The following DPYD variants were observed in gnomAD, a reference collection of about 807,000 sequenced individuals.
DPYD encodes dihydropyrimidine dehydrogenase [NADP(+)].
In DPYD, 109 loss-of-function variants were observed where a neutral mutation model predicts 116.2. The ratio of observed to expected loss-of-function variants is 0.94; its 90% confidence interval spans 0.80 to 1.10. The LOEUF (loss-of-function observed/expected upper bound fraction) is 1.10, where lower values mean the gene tolerates loss of function less well. DPYD is among the 50% of genes least tolerant of loss of function. The pLI, the probability that DPYD is intolerant of heterozygous loss-of-function variation, is 0.00. For missense variants in DPYD, 1,302 were observed against 1,254.5 expected (o/e 1.04, Z -0.57); for synonymous variants, 440 against 432.0 (o/e 1.02, Z -0.23).
rs1409030961 is a variant in DPYD at position 97,323,359 on chromosome 1, C to G, written c.2059-17062G>C. ...ACGTATATATACATGTGTATATGTA[C>G]ACGTATGTATACATGTGTATATGTA... On this transcript the variant is annotated intron_variant, in intron 16 of 22. Transcript: ENST00000370192. Among the ~76,000 whole-genome samples, 4 of 120,842 alleles carry G rather than the reference C, an allele frequency of 3.3e-5. 1 individual carries two copies. Among genetic ancestry groups the G allele is most frequent in the Non-Finnish European group, 6.9e-5 (4 of 58,190 alleles). The allele number at this position is 120,842 out of a possible 152,430, so 79.3% of individuals were successfully genotyped here. A position where few individuals can be genotyped will look rare whatever the true frequency, so the allele number is the denominator to read the frequency against.
chr1:97,784,280 A>G (rs1302002492), intron 3 of DPYD, among the ~76,000 whole-genome samples: 1 of 152,126 alleles, frequency 6.6e-6, no homozygotes, highest in Non-Finnish European at 1.5e-5. Context: ...TTTAAAAAAA[A>G]AAATTACTCT....
At chr1:97,231,456 T>C (rs1254070990) in intron 19 of DPYD, among the ~76,000 whole-genome samples, 1 of 152,056 alleles carries the variant, frequency 6.6e-6, no homozygotes, top group Non-Finnish European at 1.5e-5. Flanking sequence ...GGAAGGCAAA[T>C]GGTGAGCAAA....
At chr1:97,270,585 A>G (rs190999191) in intron 18 of DPYD, among the ~76,000 whole-genome samples, 26 of 152,318 alleles carry the variant, frequency 1.7e-4, no homozygotes, top group Admixed American at 1.5e-3. Context: ...TATTTCATAT[A>G]TAAACAATTG....
intron 4 of DPYD, among the ~76,000 whole-genome samples, chr1:97,739,259 A>G (rs1239054806): frequency 6.6e-6 from 1 of 152,158 alleles, no homozygotes; most frequent in African/African-American, 2.4e-5. Context: ...AAAATTGTTG[A>G]GTAATCACTA....
chr1:97,583,260 C>T (rs1425969755), intron 10 of DPYD, among the ~76,000 whole-genome samples: 5 of 152,040 alleles, frequency 3.3e-5, no homozygotes, highest in Non-Finnish European at 5.9e-5. Context: ...TGAACCACTG[C>T]GCCTGACCAA....
intron 8 of DPYD, among the ~76,000 whole-genome samples, chr1:97,604,415 G>A (rs1465978823): frequency 6.6e-6 from 1 of 151,962 alleles, no homozygotes; most frequent in African/African-American, 2.4e-5. Context: ...AATTTGTCGT[G>A]CTACCATATA....
At chr1:97,757,682 T>C (rs1026664401) in intron 3 of DPYD, among the ~76,000 whole-genome samples, 9 of 152,196 alleles carry the variant, frequency 5.9e-5, no homozygotes, top group African/African-American at 2.2e-4. Flanking sequence ...GACTTTCCCC[T>C]TTTCATATAC....
chr1:97,579,792 A>G (rs1423109737), intron 10 of DPYD, among the ~76,000 whole-genome samples: 2 of 152,220 alleles, frequency 1.3e-5, no homozygotes, highest in East Asian at 1.9e-4. Flanking sequence ...GTCTCCACCA[A>G]TAAAGTAGTA....
intron 1 of DPYD, among the ~76,000 whole-genome samples, chr1:97,889,518 G>A (rs865874495): frequency 6.6e-6 from 1 of 151,806 alleles, no homozygotes; most frequent in African/African-American, 2.4e-5. Context: ...AAATTTACTA[G>A]AAATAAAGAG....
chr1:97,247,518 C>G (rs1257208300), intron 18 of DPYD, among the ~76,000 whole-genome samples: 1 of 152,036 alleles, frequency 6.6e-6, no homozygotes, highest in Non-Finnish European at 1.5e-5. Flanking sequence ...TGTGCCTCAA[C>G]CAAATGGATG....
chr1:97,143,754 C>T (rs994624103), intron 20 of DPYD, among the ~76,000 whole-genome samples: 1 of 152,134 alleles, frequency 6.6e-6, no homozygotes, highest in Non-Finnish European at 1.5e-5. Flanking sequence ...GGTGAGTCAA[C>T]TTTAAACAAA....
intron 19 of DPYD, among the ~76,000 whole-genome samples, chr1:97,203,793 C>CAAAAAAAAAAAAAAAAAAAA (rs56819543): frequency 7.6e-5 from 5 of 65,694 alleles, no homozygotes; most frequent in Admixed American, 2.0e-4. Flanking sequence ...ATTCACATTC[C>CAAAAAAAAAAAAAAAAAAAA]AAAAAAAAAA....
At chr1:97,897,997 T>C (rs993411777) in intron 1 of DPYD, among the ~76,000 whole-genome samples, 54 of 151,742 alleles carry the variant, frequency 3.6e-4, no homozygotes, top group African/African-American at 1.3e-3. Flanking sequence ...ATTGAATTAT[T>C]TGAAAATGAT....
chr1:97,089,702 C>CATTG (rs1649761273), intron 21 of DPYD, among the ~76,000 whole-genome samples: 1 of 151,796 alleles, frequency 6.6e-6, no homozygotes. Flanking sequence ...AAATGCTATG[C>CATTG]TATTATGCAT....
At chr1:97,299,365 C>A (rs908459018) in intron 18 of DPYD, among the ~76,000 whole-genome samples, 1 of 152,080 alleles carries the variant, frequency 6.6e-6, no homozygotes, top group Non-Finnish European at 1.5e-5. Flanking sequence ...TGTCAGAGTT[C>A]TTTGGTTTAC....
intron 3 of DPYD, among the ~76,000 whole-genome samples, chr1:97,776,253 T>C (rs1666402865): frequency 6.6e-6 from 1 of 152,216 alleles, no homozygotes; most frequent in Admixed American, 6.5e-5. Context: ...TTAATGTTTT[T>C]AGATTCTTAA....
chr1:97,630,039 T>C (rs1461825008), intron 8 of DPYD, among the ~76,000 whole-genome samples: 14 of 151,996 alleles, frequency 9.2e-5, no homozygotes, highest in Admixed American at 9.2e-4. Flanking sequence ...CGTATATCAA[T>C]AATTTGTTCC....
chr1:97,159,115 C>G (rs1296710027), intron 20 of DPYD, among the ~76,000 whole-genome samples: 1 of 151,964 alleles, frequency 6.6e-6, no homozygotes, highest in Non-Finnish European at 1.5e-5. Context: ...TGAGATGATC[C>G]AGATATTAGA....
At chr1:97,541,865 T>C (rs1457451940) in intron 12 of DPYD, among the ~76,000 whole-genome samples, 1 of 152,218 alleles carries the variant, frequency 6.6e-6, no homozygotes, top group African/African-American at 2.4e-5. Flanking sequence ...TCGTATTCAG[T>C]AATTCTTATT....
Sources: gnomAD v4.1 joint callset for allele counts (sites outside exome capture counted in the v4.1 genomes callset) on GRCh38, gnomAD v4.1.1 for gene constraint, MANE v1.5 for transcripts, NCBI Gene and HGNC (gene_info 2026-07-23, HGNC 2026-07-21) for gene names.